SAMD3: variants seen among roughly 807,000 people sequenced by gnomAD.
SAMD3 encodes sterile alpha motif domain containing 3.
SAMD3 carries 63 observed loss-of-function variants against 58.5 expected under a neutral mutation model. The observed-to-expected ratio is 1.08, with a 90% CI of 0.88 to 1.33. The LOEUF (loss-of-function observed/expected upper bound fraction) is 1.33. Among genes scored for constraint, SAMD3 ranks in the 40% most tolerant of loss-of-function variants. The pLI is 0.00. For synonymous variants in SAMD3, 220 were observed against 210.3 expected, an observed-to-expected ratio of 1.05 and a Z score of -0.40; for missense variants, 604 against 608.4, an observed-to-expected ratio of 0.99 and a Z score of 0.08.
chr6:130,354,155 T>C (rs547196109), intron 1 of SAMD3, among the ~76,000 whole-genome samples: 3 of 152,082 alleles, frequency 2.0e-5, no homozygotes, highest in Non-Finnish European at 4.4e-5. Flanking sequence ...ATGGCTATTA[T>C]TAAAAAGTCA....
intron 1 of SAMD3, among the ~76,000 whole-genome samples, chr6:130,330,599 C>T (rs1776901248): frequency 6.6e-6 from 1 of 152,116 alleles, no homozygotes; most frequent in Non-Finnish European, 1.5e-5. Flanking sequence ...TAATATCTTA[C>T]TGAGGAAGTG....
At chr6:130,252,930 A>C (rs896252308) in intron 2 of SAMD3, among the ~76,000 whole-genome samples, 2 of 152,172 alleles carry the variant, frequency 1.3e-5, no homozygotes, top group African/African-American at 2.4e-5. Flanking sequence ...CATTGGTAAA[A>C]TTATTTTAGT....
intron 2 of SAMD3, among the ~76,000 whole-genome samples, chr6:130,250,947 G>T (rs1773717682): frequency 6.6e-6 from 1 of 152,130 alleles, no homozygotes; most frequent in African/African-American, 2.4e-5. Context: ...TTTCTCTTGT[G>T]TATATACTTA....
chr6:130,254,415 C>T (rs1048997088), intron 2 of SAMD3, among the ~76,000 whole-genome samples: 5 of 152,186 alleles, frequency 3.3e-5, no homozygotes, highest in African/African-American at 7.2e-5. Context: ...AGGCCACTCT[C>T]GAACTCCCGA....
At chr6:130,204,317 A>G (rs1426604444) in intron 5 of SAMD3, among the ~76,000 whole-genome samples, 12 of 152,222 alleles carry the variant, frequency 7.9e-5, no homozygotes, top group Non-Finnish European at 5.9e-5. Flanking sequence ...TTCCCAAAAA[A>G]TCACCAGCAC....
At chr6:130,287,563 T>C (rs1287440605) in intron 2 of SAMD3, among the ~76,000 whole-genome samples, 3 of 149,402 alleles carry the variant, frequency 2.0e-5, no homozygotes, top group Non-Finnish European at 4.4e-5. Flanking sequence ...CTTGGACTTG[T>C]TTAAAATCCA....
At chr6:130,159,448 C>G (rs573179301) in intron 8 of SAMD3, 13 of 152,428 alleles carry the variant, frequency 8.5e-5, no homozygotes, top group African/African-American at 3.1e-4. Context: ...CATTTTTCAT[C>G]TGCCACACAG....
chr6:130,147,940 C>T (rs1285158568), intron 9 of SAMD3, among the ~76,000 whole-genome samples: 1 of 152,172 alleles, frequency 6.6e-6, no homozygotes, highest in Non-Finnish European at 1.5e-5. Context: ...TCACTGTGTC[C>T]GGAAGCACAA....
chr6:130,254,799 C>G (rs974945423), intron 2 of SAMD3, among the ~76,000 whole-genome samples: 1 of 152,184 alleles, frequency 6.6e-6, no homozygotes, highest in African/African-American at 2.4e-5. Context: ...ATTCCCTCCT[C>G]TTTGACTTTT....
intron 2 of SAMD3, among the ~76,000 whole-genome samples, chr6:130,297,031 G>A (rs369185384): frequency 6.6e-6 from 1 of 152,102 alleles, no homozygotes; most frequent in Non-Finnish European, 1.5e-5. Context: ...TCCACCTGAC[G>A]ACAAGCCAGC....
At chr6:130,258,044 T>C (rs1033702477) in intron 2 of SAMD3, among the ~76,000 whole-genome samples, 3 of 152,152 alleles carry the variant, frequency 2.0e-5, no homozygotes, top group Non-Finnish European at 4.4e-5. Flanking sequence ...GTTTTTTCTT[T>C]TTAATTATTG....
At chr6:130,231,900 G>A (rs900134901) in intron 2 of SAMD3, among the ~76,000 whole-genome samples, 2 of 152,140 alleles carry the variant, frequency 1.3e-5, no homozygotes, top group Non-Finnish European at 2.9e-5. Context: ...AGAACTCTCT[G>A]TTTTGATGGA....
rs575913353 is a variant in SAMD3 at position 130,266,922 on chromosome 6, G to A, written c.-187-44109C>T. Among the ~76,000 whole-genome samples the A allele has an allele frequency of 1.6e-4, 25 of 152,204 alleles. No individual in the cohort carries two copies. In the South Asian group the frequency reaches 2.3e-3, roughly 14 times the overall value. On this transcript the variant is annotated intron_variant, in intron 2 of 13. Transcript: ENST00000368134. The stretch of plus-strand genomic sequence containing the variant: ...GCACAAGATGGCTCATGAGGATACC[G>A]GACCCCCATTTACATGCTCAACCAA...
chr6:130,187,332 C>T (rs185057682), intron 5 of SAMD3, among the ~76,000 whole-genome samples: 101 of 151,440 alleles, frequency 6.7e-4, no homozygotes, highest in African/African-American at 2.4e-3. Flanking sequence ...AGTGTCGGGG[C>T]GGAGACTATA....
At chr6:130,170,199 GT>G (rs1336112559) in intron 8 of SAMD3, among the ~76,000 whole-genome samples, 3 of 152,094 alleles carry the variant, frequency 2.0e-5, no homozygotes, top group Non-Finnish European at 4.4e-5. Flanking sequence ...CCCTCCCCTT[GT>G]CCCCCACCGC....
chr6:130,215,783 G>A (rs1247670945), intron 2 of SAMD3: 1 of 1,530,820 alleles, frequency 6.5e-7, no homozygotes, highest in Non-Finnish European at 8.7e-7. Flanking sequence ...TAACCCCTTA[G>A]TAGACTGGTT....
At chr6:130,149,492 A>G (rs1788939390) in intron 9 of SAMD3, among the ~76,000 whole-genome samples, 1 of 152,232 alleles carries the variant, frequency 6.6e-6, no homozygotes, top group African/African-American at 2.4e-5. Context: ...AGACTGGATA[A>G]AGAAAATGTA....
intron 2 of SAMD3, among the ~76,000 whole-genome samples, chr6:130,287,868 C>A (rs1378630543): frequency 6.6e-6 from 1 of 151,582 alleles, no homozygotes; most frequent in African/African-American, 2.4e-5. Flanking sequence ...TCGCTTGAAC[C>A]CGGGAGGCGG....
chr6:130,220,893 G>T (rs551020147), intron 1 of SAMD3, among the ~76,000 whole-genome samples: 104 of 151,290 alleles, frequency 6.9e-4, no homozygotes, highest in African/African-American at 2.5e-3. Context: ...TCGCTCTGTT[G>T]CCCAGGCTGG....
Sources: gnomAD v4.1 joint callset for allele counts (sites outside exome capture counted in the v4.1 genomes callset) on GRCh38, gnomAD v4.1.1 for gene constraint, MANE v1.5 for transcripts, NCBI Gene and HGNC (gene_info 2026-07-23, HGNC 2026-07-21) for gene names.